The following UBE2E1 variants were observed in gnomAD, a reference collection of about 807,000 sequenced individuals.
The protein encoded by UBE2E1 is ubiquitin-conjugating enzyme E2 E1.
Under a neutral mutation model 21.4 loss-of-function variants are expected in UBE2E1, and 6 were observed. The ratio of observed to expected loss-of-function variants is 0.28; its 90% CI spans 0.15 to 0.55. UBE2E1 has a LOEUF of 0.55. Ranked by LOEUF, UBE2E1 falls within the 20% of genes least tolerant of loss-of-function variation. The pLI is 0.93. For synonymous variants in UBE2E1, 87 were observed against 82.7 expected, an observed-to-expected ratio of 1.05 and a Z score of -0.28; for missense variants, 142 against 236.5, an observed-to-expected ratio of 0.60 and a Z score of 2.62.
chr3:23,889,547 TA>T, intron 5 of UBE2E1: 1 of 1,383,584 alleles, frequency 7.2e-7, no homozygotes. Flanking sequence ...TCCTGTTGCT[TA>T]ATTTCCCATA....
In UBE2E1 at chr3:23,853,536, C is replaced by CGA. The variant is rs771934167; in HGVS notation, c.204-34031_204-34030insGA. Among the ~76,000 whole-genome samples the CGA allele has an allele frequency of 3.3e-5, 5 of 151,992 alleles. No homozygotes were observed. Among genetic ancestry groups the CGA allele is most frequent in the Middle Eastern group, 3.4e-3 (1 of 292 alleles). ...CCCAAAGATTACAAAGATTTTTCTT[C>CGA]TGTTGTTTTTTTTTAATATAAGTTT... On this transcript the variant is annotated intron_variant, in intron 3 of 5. Coordinates refer to ENST00000306627, the MANE Select transcript of UBE2E1 (RefSeq NM_003341.5). This position sits in a 1 kb window ranked among gnomAD's most constrained non-coding sequence, Gnocchi z 4.1.
rs1229033520 is a variant in UBE2E1 at position 23,843,070 on chromosome 3, T to G, written c.203+31560T>G. Among the ~76,000 whole-genome samples the G allele has an allele frequency of 2.8e-4, 41 of 146,608 alleles. 1 individual carries two copies. The Admixed American group carries it at 2.8e-3, about 10-fold the overall frequency. On this transcript the variant is annotated intron_variant, in intron 3 of 5. Transcript: ENST00000306627. Reference sequence around the variant, plus strand: ...GTAGTATATAGTATGATTATTTGGCTTAAAGCTTTTTTTTTTTTTAGCAGG... The same window carrying G: ...GTAGTATATAGTATGATTATTTGGCGTAAAGCTTTTTTTTTTTTTAGCAGG...
intron 3 of UBE2E1, among the ~76,000 whole-genome samples, chr3:23,829,930 C>T (rs1025964212): frequency 6.6e-6 from 1 of 151,982 alleles, no homozygotes; most frequent in Non-Finnish European, 1.5e-5. Context: ...GTAGAGAAAC[C>T]CTGGCATTGT....
At chr3:23,841,462 T>TA (rs918097613) in intron 3 of UBE2E1, among the ~76,000 whole-genome samples, 11 of 152,198 alleles carry the variant, frequency 7.2e-5, no homozygotes, top group Admixed American at 2.6e-4. Context: ...CTAATACGAT[T>TA]AAAGGTCAAG....
intron 3 of UBE2E1, among the ~76,000 whole-genome samples, chr3:23,866,792 T>A (rs887373607): frequency 2.6e-5 from 4 of 152,228 alleles, no homozygotes; most frequent in Non-Finnish European, 2.9e-5. Context: ...ATAACACCTT[T>A]TGGCAGATCA....
intron 3 of UBE2E1, among the ~76,000 whole-genome samples, chr3:23,885,743 C>T (rs1261890623): frequency 6.6e-6 from 1 of 151,882 alleles, no homozygotes; most frequent in Non-Finnish European, 1.5e-5. Context: ...GCCTGTAGTC[C>T]CAGTTACTCA....
chr3:23,825,928 C>T (rs1330303617), intron 3 of UBE2E1, among the ~76,000 whole-genome samples: 1 of 152,126 alleles, frequency 6.6e-6, no homozygotes, highest in Non-Finnish European at 1.5e-5. Flanking sequence ...ATATTCCCCG[C>T]TGTTAGGAGA....
intron 3 of UBE2E1, 39 bp downstream of exon 3, chr3:23,811,549 T>G (rs777010748): frequency 6.3e-7 from 1 of 1,590,802 alleles, no homozygotes; most frequent in Non-Finnish European, 8.6e-7. Context: ...TTTAAAATTC[T>G]TCTAACCTTT....
chr3:23,825,170 T>C (rs1164728727), intron 3 of UBE2E1, among the ~76,000 whole-genome samples: 1 of 152,210 alleles, frequency 6.6e-6, no homozygotes, highest in African/African-American at 2.4e-5. Context: ...TGCAAGTGTA[T>C]TCAGGCCTGC....
rs575191571 is a variant in UBE2E1, at chr3:23,819,146, T to C, written c.203+7636T>C. 1.2e-3 allele frequency among the ~76,000 whole-genome samples: 190 copies of C among 152,060 alleles called. 1 individual carries two copies. The highest frequency in any genetic ancestry group is 2.2e-3 in the Non-Finnish European group (147 of 67,972). On this transcript the variant is annotated intron_variant, in intron 3 of 5. Coordinates refer to ENST00000306627, the MANE Select transcript of UBE2E1 (RefSeq NM_003341.5). ...AAAAATCCAAAAAATTAGCCAGGCG[T>C]GGTGGCACGCGCCTGTAGTCCCAGC...
intron 3 of UBE2E1, among the ~76,000 whole-genome samples, chr3:23,873,548 C>G (rs1700849236): frequency 6.6e-6 from 1 of 152,134 alleles, no homozygotes; most frequent in South Asian, 2.1e-4. Context: ...GAGTTCGAGA[C>G]CAGCCTGACC....
At position 23,853,745 on chromosome 3, in the gene UBE2E1, T is replaced by C. The variant is rs1700376740; in HGVS notation, c.204-33822T>C. ...AGTCTTGCTTTGTACAGGTTTTGCA[T>C]TTGGTAGTCTGCCAGTGCTCAAAAA... On this transcript the variant is annotated intron_variant, in intron 3 of 5. Coordinates refer to ENST00000306627, the MANE Select transcript of UBE2E1 (RefSeq NM_003341.5). The surrounding 1 kb of genome is among the most constrained non-coding windows in gnomAD (Gnocchi z 4.1). Among the ~76,000 whole-genome samples the C allele has an allele frequency of 6.6e-6, 1 of 152,170 alleles. No individual in the cohort carries two copies. Among genetic ancestry groups the C allele is most frequent in the Admixed American group, 6.5e-5 (1 of 15,282 alleles).
rs377584053 is a variant in UBE2E1, at chr3:23,889,101, GT to G, written c.337-3del. 18 of 1,582,352 alleles carry G rather than the reference GT, an allele frequency of 1.1e-5. No homozygotes were observed. The highest frequency in any genetic ancestry group is 4.6e-5 in the South Asian group (4 of 86,310). ...GCTGTTTAAATATTGTCTGTCACTT[GT>G]TTTTTTTAGGTTACATTTCGGACAA... On this transcript the variant is annotated splice_polypyrimidine_tract_variant and intron_variant, in intron 4 of 5. Transcript: ENST00000306627.
chr3:23,877,265 A>G (rs1700937307), intron 3 of UBE2E1, among the ~76,000 whole-genome samples: 1 of 152,112 alleles, frequency 6.6e-6, no homozygotes, highest in African/African-American at 2.4e-5. Context: ...TTTAATAATA[A>G]CAACAGCAAC....
At chr3:23,850,837 CTTTTT>C (rs71057628) in intron 3 of UBE2E1, among the ~76,000 whole-genome samples, 1 of 128,414 alleles carries the variant, frequency 7.8e-6, no homozygotes, top group African/African-American at 2.9e-5. Flanking sequence ...CCACACCCAG[CTTTTT>C]TTTTTTTTTT....
chr3:23,834,872 T>G (rs749281418), intron 3 of UBE2E1, among the ~76,000 whole-genome samples: 1 of 152,236 alleles, frequency 6.6e-6, no homozygotes, highest in Non-Finnish European at 1.5e-5. Context: ...ATGAAAGAAA[T>G]CACTTTGGAG....
chr3:23,839,984 CAT>C (rs1700051934), intron 3 of UBE2E1, among the ~76,000 whole-genome samples: 1 of 152,006 alleles, frequency 6.6e-6, no homozygotes, highest in Non-Finnish European at 1.5e-5. Flanking sequence ...ATAGTTTCAT[CAT>C]ATTTGGAAAG....
chr3:23,859,347 A>G (rs1307519425), intron 3 of UBE2E1, among the ~76,000 whole-genome samples: 1 of 152,212 alleles, frequency 6.6e-6, no homozygotes, highest in Admixed American at 6.5e-5. Flanking sequence ...GGTATGAGGC[A>G]TGGAAATTTT....
rs1482392615 is a variant in UBE2E1, at chr3:23,889,170, T to G, written c.395T>G (p.Leu132Trp). ...ATTAACAGTCAAGGTGTTATTTGCT[T>G]GGACATATTGAAAGATAATTGGAGT... ...CNINSQGVIC[L>W]DILKDNWSPA... The change falls in exon 5 of 6, where the codon TTG (leucine) becomes TGG (tryptophan). Residue 132 changes from leucine (L) to tryptophan (W), a missense_variant. Physicochemically the swap from Leu to Trp is moderately conservative, Grantham distance 61 (BLOSUM62 -2). Coordinates refer to ENST00000306627, the MANE Select transcript of UBE2E1 (RefSeq NM_003341.5). The G allele has an allele frequency of 6.2e-7, 1 of 1,612,758 alleles. No homozygotes were observed.
Sources: gnomAD v4.1 joint callset for allele counts (sites outside exome capture counted in the v4.1 genomes callset) on GRCh38, gnomAD v4.1.1 for gene constraint, Gnocchi (gnomAD v3.1) non-coding constraint, MANE v1.5 for transcripts, NCBI Gene and HGNC (gene_info 2026-07-23, HGNC 2026-07-21) for gene names.